ZNF430: variants seen among roughly 807,000 people sequenced by gnomAD.
ZNF430 encodes zinc finger protein 430.
A neutral mutation model predicts 56.7 loss-of-function variants in ZNF430; 35 were observed. The observed-to-expected ratio is 0.62, with a 90% CI of 0.47 to 0.82. The LOEUF is 0.82. Among genes scored for constraint, ZNF430 ranks in the 40% least tolerant of loss-of-function variants. The pLI is 0.00. For missense variants in ZNF430, 574 were observed against 661.0 expected (o/e 0.87, Z 1.44); for synonymous variants, 212 against 224.3 (o/e 0.94, Z 0.49).
At chr19:21,025,452 G>T (rs1298907177) in intron 2 of ZNF430, among the ~76,000 whole-genome samples, 2 of 152,062 alleles carry the variant, frequency 1.3e-5, no homozygotes, top group Non-Finnish European at 2.9e-5. Context: ...CCTGTATCTT[G>T]TGCTGAACTC....
At chr19:21,045,453 G>T (rs932084189) in intron 4 of ZNF430, among the ~76,000 whole-genome samples, 3 of 152,108 alleles carry the variant, frequency 2.0e-5, no homozygotes, top group Non-Finnish European at 4.4e-5. Flanking sequence ...TATGATTTCA[G>T]TTCTTTTGCA....
Position 21,033,436 on chromosome 19 carries a change from T to G in ZNF430, c.97-20T>G. On this transcript the variant is annotated intron_variant, in intron 2 of 4. Coordinates refer to ENST00000261560, the MANE Select transcript of ZNF430 (RefSeq NM_025189.4). ...CCACTTGGTAAATATACGTGTGTCT[T>G]GTGTGCTTGTGTTTTTCAGGGGCCA... 6.2e-7 allele frequency: 1 copy of G among 1,603,812 alleles called. No homozygotes were observed. The highest frequency in any genetic ancestry group is 8.5e-7 in the Non-Finnish European group (1 of 1,175,804).
At position 21,057,801 on chromosome 19, in the gene ZNF430, C is replaced by T. The variant is rs1325923236; in HGVS notation, c.1493C>T (p.Ser498Leu). The change falls in exon 5 of 5, where the codon TCA becomes TTA. Residue 498 changes from serine (S) to leucine (L), a missense_variant. Physicochemically the swap from Ser to Leu is moderately radical, Grantham distance 145. This residue lies in a region of ZNF430 where 213 missense variants were observed against 221.0 expected (regional missense o/e 0.96). Coordinates refer to ENST00000261560, the MANE Select transcript of ZNF430 (RefSeq NM_025189.4). ...EECGKAFNQF[S>L]NLTKHKITHI... is the part of the protein sequence containing the mutation. ...TGTGGCAAAGCTTTTAACCAATTCT[C>T]AAACCTTACTAAACATAAGATAACT... The T allele has an allele frequency of 5.0e-6, 8 of 1,613,836 alleles. No homozygotes were observed. The highest frequency in any genetic ancestry group is 1.6e-4 in the Middle Eastern group (1 of 6,084).
Position 21,057,041 on chromosome 19 carries a change from T to C in ZNF430, c.733T>C (p.Phe245Leu). The change falls in exon 5 of 5, where the codon TTC becomes CTC. Residue 245 changes from phenylalanine (F) to leucine (L), a missense_variant. Transcript: ENST00000261560. Reference protein sequence around the residue: ...CEECGKVFNWFSTLTRHRRIH... With the variant: ...CEECGKVFNWLSTLTRHRRIH... ...AGAATGTGGTAAAGTCTTTAACTGG[T>C]TCTCAACCCTTACTAGACACAGAAG... 1.2e-6 allele frequency: 2 copies of C among 1,614,042 alleles called. No homozygotes were observed. Among genetic ancestry groups the C allele is most frequent in the Non-Finnish European group, 1.7e-6 (2 of 1,179,994 alleles).
intron 4 of ZNF430, among the ~76,000 whole-genome samples, chr19:21,042,341 G>A (rs766603246): frequency 3.3e-5 from 5 of 152,092 alleles, no homozygotes; most frequent in Admixed American, 6.5e-5. Flanking sequence ...TGGGGTTGCT[G>A]GGTCAAATGG....
At chr19:21,046,337 G>A (rs1322757294) in intron 4 of ZNF430, among the ~76,000 whole-genome samples, 2 of 145,910 alleles carry the variant, frequency 1.4e-5, no homozygotes, top group African/African-American at 5.0e-5. Context: ...AAAAAAAAAA[G>A]TTTAAGGTTA....
intron 4 of ZNF430, among the ~76,000 whole-genome samples, chr19:21,056,350 G>A (rs1402453814): frequency 6.6e-6 from 1 of 152,016 alleles, no homozygotes; most frequent in African/African-American, 2.4e-5. Flanking sequence ...TTAGCTGTGC[G>A]TGGTGGTGCG....
intron 4 of ZNF430, among the ~76,000 whole-genome samples, chr19:21,048,986 A>G (rs1968232988): frequency 6.6e-6 from 1 of 152,126 alleles, no homozygotes; most frequent in South Asian, 2.1e-4. Context: ...ACCTGAGGTC[A>G]GGAGTTTGAG....
intron 4 of ZNF430, chr19:21,036,187 A>G (rs894942910): frequency 6.5e-6 from 1 of 154,794 alleles, no homozygotes; most frequent in Non-Finnish European, 1.4e-5. Flanking sequence ...TAAATCAGCC[A>G]TATGTCTGTC....
chr19:21,050,618 C>T (rs1357590041), intron 4 of ZNF430, among the ~76,000 whole-genome samples: 1 of 152,126 alleles, frequency 6.6e-6, no homozygotes, highest in East Asian at 1.9e-4. Context: ...GGAAGAAACA[C>T]TCTTGGATTT....
intron 4 of ZNF430, chr19:21,035,317 T>TGC (rs1967976333): frequency 2.0e-5 from 3 of 152,340 alleles, no homozygotes; most frequent in African/African-American, 7.2e-5. Context: ...CTATTTTAAA[T>TGC]TGTTTTCTTT....
intron 4 of ZNF430, among the ~76,000 whole-genome samples, chr19:21,043,882 T>C (rs1340739669): frequency 6.6e-6 from 1 of 151,878 alleles, no homozygotes; most frequent in African/African-American, 2.4e-5. Context: ...GTTCATGATA[T>C]GGCTCTCTGC....
chr19:21,042,660 C>T (rs779845435), intron 4 of ZNF430, among the ~76,000 whole-genome samples: 13 of 151,932 alleles, frequency 8.6e-5, no homozygotes, highest in African/African-American at 1.7e-4. Flanking sequence ...TGGTGGCGGA[C>T]GCCTGTGGTC....
chr19:21,027,209 G>A lies in ZNF430; in HGVS notation c.96+4328G>A, dbSNP rs948916214. 4.5e-4 allele frequency among the ~76,000 whole-genome samples: 69 copies of A among 152,078 alleles called. 1 individual carries two copies. The highest frequency in any genetic ancestry group is 4.5e-3 in the Admixed American group (68 of 15,232). ...TGTTGAATAGGATGTTTGAGAGAAG[G>A]CATCCTTATCTTGTGCCAGTTTTCA... On this transcript the variant is annotated intron_variant, in intron 2 of 4. Transcript: ENST00000261560.
In ZNF430 at chr19:21,033,451, T is replaced by C. The variant is rs1967937977; in HGVS notation, c.97-5T>C. On this transcript the variant is annotated splice_region_variant and splice_polypyrimidine_tract_variant and intron_variant, in intron 2 of 4. Coordinates refer to ENST00000261560, the MANE Select transcript of ZNF430 (RefSeq NM_025189.4). ...ACGTGTGTCTTGTGTGCTTGTGTTT[T>C]TCAGGGGCCATTGACATTTAGGGAT... 6.2e-7 allele frequency: 1 copy of C among 1,608,052 alleles called. No homozygotes were observed.
chr19:21,030,908 G>A (rs997958093), intron 2 of ZNF430, among the ~76,000 whole-genome samples: 1 of 151,896 alleles, frequency 6.6e-6, no homozygotes, highest in Non-Finnish European at 1.5e-5. Flanking sequence ...TTTGAGACAG[G>A]ATCTCACTCT....
Position 21,057,518 on chromosome 19 carries a change from G to A in ZNF430, c.1210G>A (p.Glu404Lys). 1 of 1,613,368 alleles carries A rather than the reference G, an allele frequency of 6.2e-7. No homozygotes were observed. The highest frequency in any genetic ancestry group is 1.3e-5 in the African/African-American group (1 of 74,934). Residue 404 changes from glutamate to lysine, a missense_variant, in exon 5 of 5, where the codon GAA (glutamate) becomes AAA (lysine). Glu to Lys is a moderately conservative substitution (Grantham distance 56). This residue lies in a region of ZNF430 where 213 missense variants were observed against 221.0 expected (regional missense o/e 0.96). Coordinates refer to ENST00000261560, the MANE Select transcript of ZNF430 (RefSeq NM_025189.4). ...TACTGGAGAGAAATTCTACAAATGT[G>A]AAGAATGTGGCAAAGGCTTTAATTG... is the stretch of plus-strand genomic sequence containing the variant. Reference protein sequence around the residue: ...IHTGEKFYKCEECGKGFNWSS... With the variant: ...IHTGEKFYKCKECGKGFNWSS...
chr19:21,048,605 A>G (rs968789509), intron 4 of ZNF430, among the ~76,000 whole-genome samples: 1 of 152,036 alleles, frequency 6.6e-6, no homozygotes, highest in Non-Finnish European at 1.5e-5. Flanking sequence ...CACAGCAACA[A>G]TCTGATTTCT....
chr19:21,043,108 A>C (rs555006070), intron 4 of ZNF430, among the ~76,000 whole-genome samples: 17 of 152,124 alleles, frequency 1.1e-4, no homozygotes, highest in Admixed American at 1.1e-3. Flanking sequence ...TGTTGTGCGG[A>C]AGGTTTTTAG....
Sources: allele counts gnomAD v4.1 joint callset (sites outside exome capture counted in the v4.1 genomes callset), GRCh38; gene constraint gnomAD v4.1.1; regional missense constraint gnomAD v4.1.1; transcripts MANE v1.5; gene names NCBI Gene and HGNC (gene_info 2026-07-23, HGNC 2026-07-21).